Variants in GPHN observed in about 807,000 individuals in gnomAD.
GPHN encodes gephyrin.
A neutral mutation model predicts 95.5 loss-of-function variants in GPHN; 17 were observed. The ratio of observed to expected loss-of-function variants is 0.18; its 90% confidence interval spans 0.12 to 0.27. GPHN has a LOEUF of 0.27. Among genes scored for constraint, GPHN ranks in the 10% least tolerant of loss-of-function variants. The probability of loss-of-function intolerance (pLI) is 1.00; values close to 1 mark genes in which losing one functional copy is unlikely to be tolerated. For missense variants in GPHN, 660 were observed against 978.1 expected, an observed-to-expected ratio of 0.67 and a Z score of 4.34; for synonymous variants, 320 against 322.5, an observed-to-expected ratio of 0.99 and a Z score of 0.08.
chr14:67,571,881 A>C, the GPHN span: 1 of 1,611,996 alleles, frequency 6.2e-7, no homozygotes, highest in Non-Finnish European at 8.5e-7. Context: ...CGGACTAGGC[A>C]GCCCCCGGGC....
chr14:66,691,699 C>T (rs1340090901), intron 2 of GPHN, among the ~76,000 whole-genome samples: 5 of 152,034 alleles, frequency 3.3e-5, no homozygotes, highest in Non-Finnish European at 5.9e-5. Flanking sequence ...ATTATCCAGT[C>T]GTTTACAGAA....
chr14:66,877,415 G>C (rs550542303), intron 4 of GPHN, among the ~76,000 whole-genome samples: 17 of 152,206 alleles, frequency 1.1e-4, no homozygotes, highest in African/African-American at 3.6e-4. Flanking sequence ...AGAAATAAAG[G>C]GTATTCAAAT....
rs552693982 is a variant in GPHN at position 66,628,915 on chromosome 14, A to G, written c.65-52192A>G. Among the ~76,000 whole-genome samples, 8 of 150,714 alleles carry G rather than the reference A, an allele frequency of 5.3e-5. 1 individual carries two copies. The South Asian group carries it at 1.3e-3, about 24-fold the overall frequency. On this transcript the variant is annotated intron_variant, in intron 1 of 22. Transcript: ENST00000478722. ...TCTATACAAAAAAATAATTTAAAAA[A>G]TGAGCCAGGTGTGTTGGTGTACCCC...
intron 2 of GPHN, among the ~76,000 whole-genome samples, chr14:66,770,283 G>A (rs1261017707): frequency 6.6e-6 from 1 of 152,150 alleles, no homozygotes; most frequent in Non-Finnish European, 1.5e-5. Context: ...TAGGTTGCCT[G>A]TTTAATCTGT....
chr14:67,025,941 C>T (rs2073902265), intron 10 of GPHN, among the ~76,000 whole-genome samples: 1 of 152,218 alleles, frequency 6.6e-6, no homozygotes, highest in African/African-American at 2.4e-5. Flanking sequence ...TTTATCCAAT[C>T]TTAATGAAGC....
At chr14:66,957,991 C>T (rs1429823221) in intron 8 of GPHN, among the ~76,000 whole-genome samples, 1 of 152,148 alleles carries the variant, frequency 6.6e-6, no homozygotes, top group South Asian at 2.1e-4. Flanking sequence ...AACCCCCAGT[C>T]CGTAGAAAAA....
the GPHN span, among the ~76,000 whole-genome samples, chr14:67,288,171 C>T: frequency 1.3e-5 from 2 of 152,140 alleles, no homozygotes; most frequent in Non-Finnish European, 2.9e-5. Flanking sequence ...CTTCCGCCTC[C>T]GAGGTTCAAG....
At position 66,754,593 on chromosome 14, in the gene GPHN, GATAATAGAAATAAGATCTA is replaced by G. The variant is rs11268761; in HGVS notation, c.144-21870_144-21852del. ...TTTTCTAGAGTAATATAAATAATGC[GATAATAGAAATAAGATCTA>G]CTTATTTTCTACTATTCTGTAAAAT... On this transcript the variant is annotated intron_variant, in intron 2 of 22. Transcript: ENST00000478722. 8.3e-3 allele frequency among the ~76,000 whole-genome samples: 1,259 copies of G among 151,756 alleles called. 12 individuals are homozygous for G. Among genetic ancestry groups the G allele is most frequent in the African/African-American group, 0.029 (1,191 of 41,444 alleles).
At chr14:67,559,372 G>T in the GPHN span, among the ~76,000 whole-genome samples, 1 of 152,128 alleles carries the variant, frequency 6.6e-6, no homozygotes, top group Admixed American at 6.5e-5. Context: ...CCATGTCAGG[G>T]ATATGCCGCG....
intron 10 of GPHN, among the ~76,000 whole-genome samples, chr14:67,028,336 G>A (rs923930287): frequency 4.6e-5 from 7 of 152,112 alleles, no homozygotes; most frequent in African/African-American, 1.7e-4. Flanking sequence ...TGGGGGTACA[G>A]GCATCTCTTT....
the GPHN span, among the ~76,000 whole-genome samples, chr14:67,351,538 T>C: frequency 1.3e-5 from 2 of 152,204 alleles, no homozygotes; most frequent in Non-Finnish European, 2.9e-5. Context: ...AGACAAGGTC[T>C]TACTTTGTTG....
At chr14:67,051,293 C>G (rs1361864187) in intron 10 of GPHN, among the ~76,000 whole-genome samples, 2 of 152,188 alleles carry the variant, frequency 1.3e-5, no homozygotes, top group Non-Finnish European at 2.9e-5. Context: ...AAAAACACAA[C>G]ACAAGAACTT....
chr14:66,754,179 G>A (rs1343826425), intron 2 of GPHN, among the ~76,000 whole-genome samples: 1 of 151,956 alleles, frequency 6.6e-6, no homozygotes, highest in Non-Finnish European at 1.5e-5. Flanking sequence ...ATTTACAAGT[G>A]TTTGTACAAA....
At chr14:67,256,233 A>G in the GPHN span, among the ~76,000 whole-genome samples, 3 of 151,992 alleles carry the variant, frequency 2.0e-5, no homozygotes, top group Non-Finnish European at 4.4e-5. Flanking sequence ...TATTTTGTTA[A>G]TAACTTTATA....
At chr14:67,700,206 T>C in the GPHN span, among the ~76,000 whole-genome samples, 1 of 152,116 alleles carries the variant, frequency 6.6e-6, no homozygotes, top group Non-Finnish European at 1.5e-5. Flanking sequence ...ACTATATTTT[T>C]GAGGAAAGTA....
chr14:67,313,139 A>G, the GPHN span, among the ~76,000 whole-genome samples: 1 of 152,212 alleles, frequency 6.6e-6, no homozygotes, highest in Admixed American at 6.5e-5. Context: ...CTTAGGGCAG[A>G]AACAGGATGC....
the GPHN span, among the ~76,000 whole-genome samples, chr14:67,351,037 T>C: frequency 0.021 from 3,219 of 152,336 alleles, 44 homozygotes; most frequent in Middle Eastern, 0.034. Context: ...TAATGGTGTA[T>C]TAATTTTAAA....
At chr14:66,839,522 A>G (rs2061991435) in intron 4 of GPHN, among the ~76,000 whole-genome samples, 1 of 152,224 alleles carries the variant, frequency 6.6e-6, no homozygotes, top group Admixed American at 6.5e-5. Flanking sequence ...GCAGTTTTAC[A>G]AAATTTTTTA....
chr14:67,575,284 T>C, the GPHN span: 1 of 666,628 alleles, frequency 1.5e-6, no homozygotes, highest in Non-Finnish European at 2.6e-6. Flanking sequence ...GGCATCTCCA[T>C]CTCTACCATA....
Sources: allele counts gnomAD v4.1 joint callset (sites outside exome capture counted in the v4.1 genomes callset), GRCh38; gene constraint gnomAD v4.1.1; transcripts MANE v1.5; gene names NCBI Gene and HGNC (gene_info 2026-07-23, HGNC 2026-07-21).